The following N4BP2 variants were observed in gnomAD, a reference collection of about 807,000 sequenced individuals.
N4BP2 encodes the protein NEDD4-binding protein 2.
Under a neutral mutation model 152.8 loss-of-function variants are expected in N4BP2, and 91 were observed. The ratio of observed to expected loss-of-function variants is 0.60; its 90% CI spans 0.50 to 0.71. The LOEUF is 0.71. Among genes scored for constraint, N4BP2 ranks in the 30% least tolerant of loss-of-function variants. N4BP2 has a pLI of 0.00. For missense variants in N4BP2, 1,923 were observed against 2,059.1 expected, an observed-to-expected ratio of 0.93 and a Z score of 1.28; for synonymous variants, 646 against 705.3, an observed-to-expected ratio of 0.92 and a Z score of 1.33.
At position 40,103,157 on chromosome 4, in the gene N4BP2, G is replaced by C; in HGVS notation, c.1312G>C (p.Val438Leu). ...SQVVRKKTSY[V>L]GLVLVLLRGL... ...GGTTGTAAGAAAGAAGACATCTTAC[G>C]TTGGACTAGTTCTTGTTCTTCTCAG... The change falls in exon 4 of 18, where the codon GTT becomes CTT. Residue 438 changes from valine (V) to leucine (L), a missense_variant. By Grantham distance (32) the Val-to-Leu change is conservative. Transcript: ENST00000261435. 1 of 1,614,112 alleles carries C rather than the reference G, an allele frequency of 6.2e-7. No individual in the cohort carries two copies. The highest frequency in any genetic ancestry group is 1.3e-5 in the African/African-American group (1 of 75,046).
the N4BP2 span, among the ~76,000 whole-genome samples, chr4:40,171,354 GT>G: frequency 2.6e-5 from 4 of 152,170 alleles, no homozygotes; most frequent in African/African-American, 9.7e-5. Flanking sequence ...ACTTATTGCT[GT>G]TGAGCCTGGT....
intron 5 of N4BP2, 83 bp from the exon 6 acceptor site, chr4:40,112,001 A>G: frequency 2.7e-6 from 2 of 729,800 alleles, no homozygotes; most frequent in Admixed American, 2.8e-5. Flanking sequence ...TGATTTTCAA[A>G]TTATGAAAAG....
intron 13 of N4BP2, among the ~76,000 whole-genome samples, chr4:40,136,360 A>ATCTG (rs1169884813): frequency 7.4e-6 from 1 of 135,740 alleles, no homozygotes; most frequent in African/African-American, 2.6e-5. Context: ...CTATCTATCT[A>ATCTG]TCTATCTATC....
At chr4:40,165,128 T>C in the N4BP2 span, among the ~76,000 whole-genome samples, 5 of 152,228 alleles carry the variant, frequency 3.3e-5, no homozygotes, top group Admixed American at 2.0e-4. Flanking sequence ...AGCTAGAATA[T>C]CTGAATATAG....
intron 8 of N4BP2, 132 bp downstream of exon 8, chr4:40,118,156 C>A: frequency 1.5e-6 from 1 of 678,396 alleles, no homozygotes; most frequent in Non-Finnish European, 2.2e-6. Flanking sequence ...TGGTGGCTCA[C>A]ACCTGTAATC....
chr4:40,089,365 T>G (rs972001661), intron 2 of N4BP2, among the ~76,000 whole-genome samples: 2 of 152,092 alleles, frequency 1.3e-5, no homozygotes, highest in African/African-American at 4.8e-5. Context: ...GCTTGTCTTT[T>G]CATCCTTTTA....
intron 2 of N4BP2, among the ~76,000 whole-genome samples, chr4:40,088,000 C>T (rs779934153): frequency 6.6e-6 from 1 of 152,100 alleles, no homozygotes; most frequent in East Asian, 1.9e-4. Flanking sequence ...TCCGGTGATC[C>T]GCCTTCCTTG....
chr4:40,162,479 G>A (rs541068954), downstream of N4BP2, among the ~76,000 whole-genome samples: 1 of 152,182 alleles, frequency 6.6e-6, no homozygotes, highest in Non-Finnish European at 1.5e-5. Context: ...AAGAAGTAGA[G>A]CTGGAGGATG....
At chr4:40,184,416 T>C in the N4BP2 span, among the ~76,000 whole-genome samples, 1 of 151,346 alleles carries the variant, frequency 6.6e-6, no homozygotes, top group African/African-American at 2.4e-5. Flanking sequence ...TGAAACCAAA[T>C]ACATTAGAGA....
At chr4:40,059,696 AGCAT>A (rs969881921) in intron 1 of N4BP2, among the ~76,000 whole-genome samples, 1 of 152,134 alleles carries the variant, frequency 6.6e-6, no homozygotes, top group African/African-American at 2.4e-5. Flanking sequence ...ATAATGAGTA[AGCAT>A]ACATCAAGCC....
At chr4:40,083,927 G>A (rs185100870) in intron 2 of N4BP2, among the ~76,000 whole-genome samples, 3 of 152,324 alleles carry the variant, frequency 2.0e-5, no homozygotes, top group African/African-American at 7.2e-5. Flanking sequence ...TGGTAGTGGT[G>A]AAGGTGATGA....
chr4:40,177,493 G>A, the N4BP2 span, among the ~76,000 whole-genome samples: 1 of 152,124 alleles, frequency 6.6e-6, no homozygotes, highest in Admixed American at 6.5e-5. Flanking sequence ...GCAGGTGCCT[G>A]TAATCCCAGC....
intron 3 of N4BP2, among the ~76,000 whole-genome samples, chr4:40,101,134 A>G (rs1715607947): frequency 6.6e-6 from 1 of 152,074 alleles, no homozygotes; most frequent in Admixed American, 6.6e-5. Flanking sequence ...GCATTTGTAC[A>G]TTATCAAAAG....
the N4BP2 span, among the ~76,000 whole-genome samples, chr4:40,185,329 T>C: frequency 6.9e-3 from 1,053 of 152,328 alleles, 15 homozygotes; most frequent in African/African-American, 0.024. Context: ...TGCTGTTTTA[T>C]GGTTTTCTTG....
the N4BP2 span, among the ~76,000 whole-genome samples, chr4:40,169,826 G>A: frequency 1.3e-5 from 2 of 151,670 alleles, no homozygotes; most frequent in African/African-American, 4.8e-5. Flanking sequence ...TTAGCTGGGC[G>A]TGGTGGCAGG....
In N4BP2 at chr4:40,157,623, C is replaced by T. The variant is rs1379924516; in HGVS notation, c.*3386C>T. The T allele has an allele frequency of 6.6e-6, 1 of 151,946 alleles. No homozygotes were observed. The highest frequency in any genetic ancestry group is 2.4e-5 in the African/African-American group (1 of 41,384). 9.4% of individuals were successfully genotyped at this position (151,946 alleles called of 1,614,324 possible). A position where few individuals can be genotyped will look rare whatever the true frequency, so the allele number is the denominator to read the frequency against. ...CAAAAATAACGTGTGCTGTTTTTTCCAAGTGCTTTTTCTAAGTGCTTTTCC... is the reference window on the plus strand; with the variant it reads ...CAAAAATAACGTGTGCTGTTTTTTCTAAGTGCTTTTTCTAAGTGCTTTTCC... On this transcript the variant is annotated 3_prime_UTR_variant, in exon 18 of 18. Transcript: ENST00000261435.
intron 1 of N4BP2, among the ~76,000 whole-genome samples, chr4:40,070,116 T>C (rs933349495): frequency 6.6e-6 from 1 of 152,188 alleles, no homozygotes; most frequent in African/African-American, 2.4e-5. Flanking sequence ...AAACCACAGG[T>C]ACCCACCTGC....
At chr4:40,116,145 CT>C (rs1480037195) in intron 7 of N4BP2, among the ~76,000 whole-genome samples, 3 of 151,958 alleles carry the variant, frequency 2.0e-5, no homozygotes, top group Non-Finnish European at 4.4e-5. Flanking sequence ...TTTGTTACTT[CT>C]TTTTTCATAC....
intron 13 of N4BP2, among the ~76,000 whole-genome samples, chr4:40,135,095 C>G (rs1175900991): frequency 1.0e-5 from 1 of 99,536 alleles, no homozygotes; most frequent in Non-Finnish European, 1.9e-5. Context: ...CTATCCCTCC[C>G]CCCTCCCCCC....
Sources: allele counts gnomAD v4.1 joint callset (sites outside exome capture counted in the v4.1 genomes callset), GRCh38; gene constraint gnomAD v4.1.1; transcripts MANE v1.5; gene names NCBI Gene and HGNC (gene_info 2026-07-23, HGNC 2026-07-21).